The following USP53 variants were observed in gnomAD, a reference collection of about 807,000 sequenced individuals.
USP53 encodes the protein ubiquitin specific peptidase 53.
Under a neutral mutation model 94.9 loss-of-function variants are expected in USP53, and 71 were observed. That is an observed-to-expected ratio of 0.75 (90% CI 0.62 to 0.91). USP53 has a LOEUF of 0.91. Among genes scored for constraint, USP53 ranks in the 40% least tolerant of loss-of-function variants. The pLI is 0.00. For missense variants in USP53, 1,173 were observed against 1,281.0 expected (o/e 0.92, Z 1.29); for synonymous variants, 375 against 422.7 (o/e 0.89, Z 1.39).
rs984115475 is a variant in USP53, at chr4:119,239,430, A to G, written c.-330A>G. On this transcript the variant is annotated 5_prime_UTR_variant, in exon 5 of 19. Transcript: ENST00000692078. Reference sequence around the variant, plus strand: ...ATGCATTAAAGGGGATGATTCGTTCATCAGTATTTTTAGCCATTAAAAAAA... The same window carrying G: ...ATGCATTAAAGGGGATGATTCGTTCGTCAGTATTTTTAGCCATTAAAAAAA... 7 of 296,822 alleles carry G rather than the reference A, an allele frequency of 2.4e-5. No homozygotes were observed. Among genetic ancestry groups the G allele is most frequent in the Non-Finnish European group, 4.3e-5 (7 of 163,088 alleles). 18.4% of individuals were successfully genotyped at this position (296,822 alleles called of 1,614,324 possible). A position where few individuals can be genotyped will look rare whatever the true frequency, so the allele number is the denominator to read the frequency against.
intron 17 of USP53, among the ~76,000 whole-genome samples, chr4:119,283,040 A>G (rs1753686318): frequency 6.6e-6 from 1 of 151,938 alleles, no homozygotes; most frequent in Non-Finnish European, 1.5e-5. Context: ...TTTTTATTCC[A>G]TTAATAGAGA....
intron 7 of USP53, among the ~76,000 whole-genome samples, chr4:119,250,708 A>C (rs1748859322): frequency 6.6e-6 from 1 of 152,242 alleles, no homozygotes; most frequent in Admixed American, 6.5e-5. Context: ...AAGTTAGCTA[A>C]TGAATAGAAT....
At position 119,241,482 on chromosome 4, in the gene USP53, T is replaced by G. The variant is rs562935960; in HGVS notation, c.144+1579T>G. On this transcript the variant is annotated intron_variant, in intron 5 of 18. Transcript: ENST00000692078. ...TTCACCTTTATTTTTGAAAGATATT[T>G]TCACTCATTAAAGATGGTCCAAGTT... 4.6e-5 allele frequency among the ~76,000 whole-genome samples: 7 copies of G among 152,018 alleles called. No homozygotes were observed. In the East Asian group the frequency reaches 1.4e-3, roughly 29 times the overall value.
In USP53 at chr4:119,261,828, C is replaced by CATCAA; in HGVS notation, c.937_938insTCAAA (p.Lys313IlefsTer12). On this transcript the variant is annotated frameshift_variant, in exon 12 of 19. Transcript: ENST00000692078. LOFTEE classifies it high-confidence loss of function. ...CCTTTGCATTTCACACCAAAAGTTCCAAATGGGTATTTTTTGATGATGCAA... is the reference window on the plus strand; with the variant it reads ...CCTTTGCATTTCACACCAAAAGTTCCATCAAAAATGGGTATTTTTTGATGATGCAA... 1.3e-6 allele frequency: 2 copies of CATCAA among 1,500,506 alleles called. No homozygotes were observed. The highest frequency in any genetic ancestry group is 1.8e-6 in the Non-Finnish European group (2 of 1,105,928). The allele number at this position is 1,500,506 out of a possible 1,614,324, so 92.9% of individuals were successfully genotyped here. A position where few individuals can be genotyped will look rare whatever the true frequency, so the allele number is the denominator to read the frequency against.
chr4:119,293,276 A>G lies in USP53; in HGVS notation c.*65A>G. ...GTTCAAGCTGCCCTTCTGAACAAAGATATAAACCTAGCATACATTGTAATA... is the reference window on the plus strand; with the variant it reads ...GTTCAAGCTGCCCTTCTGAACAAAGGTATAAACCTAGCATACATTGTAATA... On this transcript the variant is annotated 3_prime_UTR_variant, in exon 19 of 19. Coordinates refer to ENST00000692078, the MANE Select transcript of USP53 (RefSeq NM_001371395.1). 2.0e-6 allele frequency: 3 copies of G among 1,496,828 alleles called. No homozygotes were observed. The highest frequency in any genetic ancestry group is 1.4e-5 in the South Asian group (1 of 73,686). 92.7% of individuals were successfully genotyped at this position (1,496,828 alleles called of 1,614,324 possible).
At chr4:119,278,311 G>A (rs1752940849) in intron 17 of USP53, among the ~76,000 whole-genome samples, 1 of 152,010 alleles carries the variant, frequency 6.6e-6, no homozygotes, top group Non-Finnish European at 1.5e-5. Context: ...GACAAAATCG[G>A]TCAGCATTTG....
At chr4:119,236,085 C>G (rs953027774) in intron 4 of USP53, among the ~76,000 whole-genome samples, 1 of 152,136 alleles carries the variant, frequency 6.6e-6, no homozygotes, top group African/African-American at 2.4e-5. Flanking sequence ...TTAGACAAAA[C>G]TGTTAGTAAT....
intron 4 of USP53, among the ~76,000 whole-genome samples, chr4:119,237,640 G>A (rs751483564): frequency 6.6e-6 from 1 of 151,854 alleles, no homozygotes. Flanking sequence ...GTCCTAGATG[G>A]CATCTTCTTC....
At chr4:119,273,742 A>C in intron 17 of USP53, 34 bp downstream of exon 17, 1 of 1,538,906 alleles carries the variant, frequency 6.5e-7, no homozygotes, top group African/African-American at 1.4e-5. Context: ...TAGTTGCTGT[A>C]AAAAATGAAT....
chr4:119,229,032 A>G (rs918573138), intron 3 of USP53, among the ~76,000 whole-genome samples: 3 of 152,040 alleles, frequency 2.0e-5, no homozygotes, highest in African/African-American at 4.8e-5. Context: ...GATTCCCTCT[A>G]CTCTGCCTTC....
rs1028959857 is a variant in USP53, at chr4:119,239,465, A to T, written c.-295A>T. 8.2e-6 allele frequency: 3 copies of T among 363,904 alleles called. No homozygotes were observed. In the East Asian group the frequency reaches 1.2e-4, roughly 15 times the overall value. The allele number at this position is 363,904 out of a possible 1,614,324, so 22.5% of individuals were successfully genotyped here. ...TTAGCCATTAAAAAAAATCGTTTTC[A>T]TATTAACCTTATACAGCTCCCATAA... On this transcript the variant is annotated 5_prime_UTR_variant, in exon 5 of 19. Coordinates refer to ENST00000692078, the MANE Select transcript of USP53 (RefSeq NM_001371395.1).
intron 5 of USP53, among the ~76,000 whole-genome samples, chr4:119,241,506 T>G (rs1460564098): frequency 1.0e-5 from 1 of 97,828 alleles, no homozygotes; most frequent in African/African-American, 5.0e-5. Flanking sequence ...ATGGTCCAAG[T>G]TGACATTTTT....
chr4:119,264,590 C>T (rs1416288014), intron 12 of USP53, among the ~76,000 whole-genome samples: 1 of 152,128 alleles, frequency 6.6e-6, no homozygotes, highest in Non-Finnish European at 1.5e-5. Flanking sequence ...ATATTCAGTA[C>T]ATCATTAGCC....
chr4:119,261,562 G>A (rs1750520760), intron 11 of USP53, among the ~76,000 whole-genome samples, 153 bp from the exon 12 acceptor site: 1 of 152,186 alleles, frequency 6.6e-6, no homozygotes, highest in Non-Finnish European at 1.5e-5. Context: ...ACAATGTGAT[G>A]TCAGTGGTGC....
In USP53 at chr4:119,293,507, A is replaced by G. The variant is rs1156418370; in HGVS notation, c.*296A>G. ...TAGATATTTTAGAAATTCCCTTTGA[A>G]TAGTCTTGGCGTGCCGTGAAAAATA... On this transcript the variant is annotated 3_prime_UTR_variant, in exon 19 of 19. Transcript: ENST00000692078. The G allele has an allele frequency of 4.7e-5, 11 of 235,712 alleles. No homozygotes were observed. The South Asian group carries it at 1.4e-3, about 30-fold the overall frequency. 14.6% of individuals were successfully genotyped at this position (235,712 alleles called of 1,614,324 possible). A position where few individuals can be genotyped will look rare whatever the true frequency, so the allele number is the denominator to read the frequency against.
At chr4:119,216,030 T>C (rs1167395251) in intron 2 of USP53, among the ~76,000 whole-genome samples, 1 of 152,236 alleles carries the variant, frequency 6.6e-6, no homozygotes, top group Non-Finnish European at 1.5e-5. Context: ...ATAAACATTA[T>C]TGACCTCCTA....
intron 18 of USP53, 151 bp from the exon 19 acceptor site, chr4:119,292,187 T>G (rs1754840046): frequency 1.2e-6 from 1 of 836,388 alleles, no homozygotes; most frequent in African/African-American, 1.8e-5. Context: ...TGTTAATGGT[T>G]GCAAATATCT....
chr4:119,256,627 T>C, intron 9 of USP53, 104 bp downstream of exon 9: 8 of 1,150,434 alleles, frequency 7.0e-6, no homozygotes, highest in Middle Eastern at 2.6e-4. Flanking sequence ...TTCCCCTCTC[T>C]GTCTGAGGCT....
chr4:119,228,623 G>T (rs1453445005), intron 3 of USP53, among the ~76,000 whole-genome samples: 4 of 152,132 alleles, frequency 2.6e-5, no homozygotes, highest in South Asian at 4.1e-4. Flanking sequence ...CTGTGAAGGG[G>T]CACAGGAGAG....
Sources: allele counts gnomAD v4.1 joint callset (sites outside exome capture counted in the v4.1 genomes callset), GRCh38; gene constraint gnomAD v4.1.1; transcripts MANE v1.5; gene names NCBI Gene and HGNC (gene_info 2026-07-23, HGNC 2026-07-21).